Variants in MEGF10 observed in about 807,000 individuals in gnomAD.
MEGF10 encodes the protein multiple epidermal growth factor-like domains protein 10.
MEGF10 carries 86 observed loss-of-function variants against 147.5 expected under a neutral mutation model. The observed-to-expected ratio is 0.58, with a 90% CI of 0.49 to 0.70. The LOEUF (loss-of-function observed/expected upper bound fraction) is 0.70, where lower values mean the gene tolerates loss of function less well. Among genes scored for constraint, MEGF10 ranks in the 30% least tolerant of loss-of-function variants. MEGF10 has a pLI of 0.00. For missense variants in MEGF10, 1,329 were observed against 1,487.3 expected, an observed-to-expected ratio of 0.89 and a Z score of 1.75; for synonymous variants, 478 against 525.5, an observed-to-expected ratio of 0.91 and a Z score of 1.24.
chr5:127,307,260 A>G (rs1031148706), intron 1 of MEGF10, among the ~76,000 whole-genome samples: 1 of 152,138 alleles, frequency 6.6e-6, no homozygotes, highest in Non-Finnish European at 1.5e-5. Context: ...TTCTTTCTTC[A>G]CAAGACAAAG....
the MEGF10 span, among the ~76,000 whole-genome samples, chr5:127,282,982 G>A: frequency 3.3e-5 from 5 of 152,232 alleles, no homozygotes; most frequent in South Asian, 1.0e-3. Flanking sequence ...CTATGGCTTT[G>A]ATTTTTTTTT....
At position 127,454,567 on chromosome 5, in the gene MEGF10, T is replaced by C; in HGVS notation, c.2982T>C (p.Gly994=). 1 of 1,608,798 alleles carries C rather than the reference T, an allele frequency of 6.2e-7. No homozygotes were observed. The highest frequency in any genetic ancestry group is 8.5e-7 in the Non-Finnish European group (1 of 1,178,480). Reference sequence around the variant, plus strand: ...GTTTTTTTTCTTCCTTTATTACAGGTGCTTTTGGACTTGACAGAAGCTATA... The same window carrying C: ...GTTTTTTTTCTTCCTTTATTACAGGCGCTTTTGGACTTGACAGAAGCTATA... The part of the protein sequence containing the change: ...WKHGGYLNEL[G]AFGLDRSYMG... Residue 994 remains glycine, a splice_region_variant and synonymous_variant, in exon 23 of 25, where the codon GGT becomes GGC. Transcript: ENST00000503335.
the MEGF10 span, among the ~76,000 whole-genome samples, chr5:127,239,010 G>A: frequency 1.2e-4 from 18 of 151,780 alleles, no homozygotes; most frequent in South Asian, 2.1e-4. Context: ...TCACCTATGC[G>A]ATAGTACTGC....
intron 1 of MEGF10, among the ~76,000 whole-genome samples, chr5:127,327,074 C>G (rs960220285): frequency 7.2e-5 from 11 of 152,162 alleles, no homozygotes; most frequent in African/African-American, 2.2e-4. Flanking sequence ...TTTACTGAGG[C>G]TTTTGTGGTA....
At chr5:127,343,391 C>T (rs547581021) in intron 4 of MEGF10, among the ~76,000 whole-genome samples, 39 of 152,162 alleles carry the variant, frequency 2.6e-4, no homozygotes, top group African/African-American at 8.7e-4. Flanking sequence ...CTGCCCCACC[C>T]GCTCCTCCAT....
intron 5 of MEGF10, among the ~76,000 whole-genome samples, chr5:127,373,292 C>T (rs1421130630): frequency 6.6e-6 from 1 of 152,154 alleles, no homozygotes; most frequent in African/African-American, 2.4e-5. Context: ...GCTGGGCTTA[C>T]AGGCATGTGC....
the MEGF10 span, among the ~76,000 whole-genome samples, chr5:127,272,198 C>T: frequency 6.6e-6 from 1 of 152,130 alleles, no homozygotes; most frequent in African/African-American, 2.4e-5. Flanking sequence ...ATCCTTTCTC[C>T]ATTGCTTATT....
At chr5:127,368,016 C>A (rs1236430056) in intron 4 of MEGF10, among the ~76,000 whole-genome samples, 2 of 152,122 alleles carry the variant, frequency 1.3e-5, no homozygotes, top group African/African-American at 4.8e-5. Context: ...AGTTTGCTGG[C>A]TTTAGGTATG....
the MEGF10 span, among the ~76,000 whole-genome samples, chr5:127,279,659 G>A: frequency 4.0e-5 from 6 of 151,880 alleles, no homozygotes; most frequent in African/African-American, 1.5e-4. Flanking sequence ...CTACAGTTTA[G>A]AATAAAACTT....
the MEGF10 span, among the ~76,000 whole-genome samples, chr5:127,232,798 A>G: frequency 1.3e-5 from 2 of 152,076 alleles, no homozygotes; most frequent in Non-Finnish European, 2.9e-5. Flanking sequence ...AAAGGACAAA[A>G]AATTCCAAGC....
upstream of MEGF10, among the ~76,000 whole-genome samples, chr5:127,287,605 G>C (rs1383038088): frequency 1.3e-5 from 2 of 151,908 alleles, no homozygotes; most frequent in African/African-American, 2.4e-5. Context: ...TTAATGGAGA[G>C]ATAAATGTTC....
intron 4 of MEGF10, among the ~76,000 whole-genome samples, chr5:127,354,984 A>G (rs1258012022): frequency 6.6e-6 from 1 of 152,196 alleles, no homozygotes; most frequent in Non-Finnish European, 1.5e-5. Flanking sequence ...CTACCTTACA[A>G]TTATGTGAGG....
intron 8 of MEGF10, among the ~76,000 whole-genome samples, chr5:127,403,498 T>C (rs1764207394): frequency 6.6e-6 from 1 of 152,216 alleles, no homozygotes; most frequent in Non-Finnish European, 1.5e-5. Context: ...CTATTGACCA[T>C]AGTCACCCTA....
At chr5:127,289,846 T>C (rs114573213), upstream of MEGF10, among the ~76,000 whole-genome samples, 451 of 152,278 alleles carry the variant, frequency 3.0e-3, no homozygotes, top group African/African-American at 0.011. Context: ...GGAGTGGTTA[T>C]GGGGCTTAAA....
At position 127,420,087 on chromosome 5, in the gene MEGF10, A is replaced by G; in HGVS notation, c.1470A>G (p.Thr490=). 1.9e-6 allele frequency: 3 copies of G among 1,614,174 alleles called. No individual in the cohort carries two copies. The highest frequency in any genetic ancestry group is 2.5e-6 in the Non-Finnish European group (3 of 1,180,022). ...GCTCCATCAGATGTCCCAGTGGCACATGGGGCTTTGGCTGTAACTTAACAT... is the reference window on the plus strand; with the variant it reads ...GCTCCATCAGATGTCCCAGTGGCACGTGGGGCTTTGGCTGTAACTTAACAT... ...VDCSIRCPSG[T]WGFGCNLTCQ... is the part of the protein sequence containing the mutation. Residue 490 remains threonine, a synonymous_variant, in exon 12 of 25, where the codon ACA becomes ACG. Coordinates refer to ENST00000503335, the MANE Select transcript of MEGF10 (RefSeq NM_001256545.2).
At chr5:127,333,828 G>A (rs937260394) in intron 2 of MEGF10, among the ~76,000 whole-genome samples, 1 of 152,122 alleles carries the variant, frequency 6.6e-6, no homozygotes. Context: ...TAGACAAGGG[G>A]CACATTAATC....
rs879255426 is a variant in MEGF10, at chr5:127,422,688, A to G, written c.1609A>G (p.Asn537Asp). Residue 537 changes from asparagine (N) to aspartate (D), a missense_variant, in exon 13 of 25, where the codon AAC becomes GAC. Asn to Asp is a conservative substitution (Grantham distance 23). Around this residue, in one of 3 missense-constraint regions of MEGF10, gnomAD observed 980 missense variants for 1,085.9 expected, o/e 0.90. Coordinates refer to ENST00000503335, the MANE Select transcript of MEGF10 (RefSeq NM_001256545.2). The part of the protein sequence containing the change: ...LPCQDGTYGL[N>D]CAERCDCSHA... The stretch of plus-strand genomic sequence containing the variant: ...CATGCAGGATGGCACGTACGGGCTG[A>G]ACTGTGCTGAGCGCTGCGACTGCAG... 7 of 1,614,010 alleles carry G rather than the reference A, an allele frequency of 4.3e-6. No individual in the cohort carries two copies. The Middle Eastern group carries it at 5.0e-4, about 114-fold the overall frequency.
intron 19 of MEGF10, among the ~76,000 whole-genome samples, chr5:127,443,909 G>C (rs1255949213): frequency 6.6e-6 from 1 of 152,184 alleles, no homozygotes; most frequent in Non-Finnish European, 1.5e-5. Flanking sequence ...AGTGAATCCA[G>C]TTTTTGCATG....
intron 1 of MEGF10, among the ~76,000 whole-genome samples, chr5:127,318,419 T>C (rs1760651546): frequency 6.6e-6 from 1 of 152,194 alleles, no homozygotes. Context: ...TCCTCATCCC[T>C]GATAGAAGTT....
Sources: allele counts gnomAD v4.1 joint callset (sites outside exome capture counted in the v4.1 genomes callset), GRCh38; gene constraint gnomAD v4.1.1; regional missense constraint gnomAD v4.1.1; transcripts MANE v1.5; gene names NCBI Gene and HGNC (gene_info 2026-07-23, HGNC 2026-07-21).